Variants in GNAL observed in about 807,000 individuals in gnomAD.
GNAL encodes the protein G protein subunit alpha L.
GNAL carries 18 observed loss-of-function variants against 55.1 expected under a neutral mutation model. The ratio of observed to expected loss-of-function variants is 0.33; its 90% CI spans 0.23 to 0.48. The LOEUF (loss-of-function observed/expected upper bound fraction) is 0.48, where lower values mean the gene tolerates loss of function less well. GNAL is among the 20% of genes least tolerant of loss of function. GNAL has a pLI of 0.99. For synonymous variants in GNAL, 253 were observed against 237.0 expected, an observed-to-expected ratio of 1.07 and a Z score of -0.62; for missense variants, 412 against 614.1, an observed-to-expected ratio of 0.67 and a Z score of 3.48.
At chr18:11,738,593 G>A (rs1244807127) in intron 1 of GNAL, among the ~76,000 whole-genome samples, 5 of 151,950 alleles carry the variant, frequency 3.3e-5, no homozygotes, top group African/African-American at 7.3e-5. Flanking sequence ...GATTACAGGC[G>A]CCCACCACCA....
intron 4 of GNAL, among the ~76,000 whole-genome samples, chr18:11,757,385 A>G (rs2033093138): frequency 6.6e-6 from 1 of 152,154 alleles, no homozygotes; most frequent in South Asian, 2.1e-4. Context: ...TTTCATCAAG[A>G]TCACTCTGGC....
chr18:11,729,347 A>G (rs1161806005), intron 1 of GNAL, among the ~76,000 whole-genome samples: 1 of 152,130 alleles, frequency 6.6e-6, no homozygotes, highest in East Asian at 1.9e-4. Context: ...CCCTAAGCAC[A>G]GTGAACCAGC....
chr18:11,841,510 G>T (rs1174519263), intron 5 of GNAL, among the ~76,000 whole-genome samples: 6 of 151,902 alleles, frequency 3.9e-5, no homozygotes, highest in African/African-American at 1.5e-4. Flanking sequence ...GTCGGGCATG[G>T]TGACGCATGC....
At chr18:11,844,492 A>G (rs1038965629) in intron 5 of GNAL, among the ~76,000 whole-genome samples, 1 of 152,192 alleles carries the variant, frequency 6.6e-6, no homozygotes, top group African/African-American at 2.4e-5. Context: ...AGTGCTCTCC[A>G]TTCTGTGGCC....
intron 1 of GNAL, among the ~76,000 whole-genome samples, chr18:11,700,809 T>G (rs1351609861): frequency 2.0e-5 from 3 of 152,218 alleles, no homozygotes; most frequent in Non-Finnish European, 4.4e-5. Flanking sequence ...GAAAAGTGAA[T>G]TTTCTTTCTG....
At chr18:11,771,257 T>A (rs1337449011) in intron 4 of GNAL, among the ~76,000 whole-genome samples, 8 of 151,940 alleles carry the variant, frequency 5.3e-5, no homozygotes, top group Non-Finnish European at 8.8e-5. Context: ...TCATTAGTGT[T>A]TCTTATTTCT....
intron 4 of GNAL, among the ~76,000 whole-genome samples, chr18:11,790,244 G>A (rs181158216): frequency 2.1e-4 from 32 of 152,174 alleles, no homozygotes; most frequent in African/African-American, 7.5e-4. Flanking sequence ...CCTGCCCCTG[G>A]GGTCTCTGCA....
chr18:11,717,482 A>G (rs2032000361), intron 1 of GNAL, among the ~76,000 whole-genome samples: 3 of 152,250 alleles, frequency 2.0e-5, no homozygotes, highest in South Asian at 2.1e-4. Flanking sequence ...CCATAAAGAC[A>G]TATGCACACG....
rs548869626 is a variant in GNAL at position 11,865,903 on chromosome 18, C to T, written c.852-1265C>T. Among the ~76,000 whole-genome samples the T allele has an allele frequency of 7.4e-5, 11 of 149,162 alleles. 1 individual carries two copies. Among genetic ancestry groups the T allele is most frequent in the African/African-American group, 2.6e-4 (10 of 38,760 alleles). ...CCAGTCACCCTCAGCATGTCTGACT[C>T]GACTCTAAGGGACCTCAAGGGTGAG... On this transcript the variant is annotated intron_variant, in intron 7 of 11. Coordinates refer to ENST00000334049, the MANE Select transcript of GNAL (RefSeq NM_182978.4).
At chr18:11,857,792 A>C in intron 5 of GNAL, 6 of 952,088 alleles carry the variant, frequency 6.3e-6, no homozygotes, top group Non-Finnish European at 6.3e-6. Flanking sequence ...CCACGTGAGT[A>C]ATGTTTTTCT....
chr18:11,883,480 G>T lies in GNAL; in HGVS notation c.*2345G>T, dbSNP rs150061443. On this transcript the variant is annotated 3_prime_UTR_variant, in exon 12 of 12. Coordinates refer to ENST00000334049, the MANE Select transcript of GNAL (RefSeq NM_182978.4). ...AAACAAAAAGAATAACTTTTATCTG[G>T]CTTACAATTATTAAAGCATTTATTT... The T allele has an allele frequency of 4.0e-4, 62 of 153,582 alleles. No homozygotes were observed. The highest frequency in any genetic ancestry group is 6.3e-4 in the Non-Finnish European group (43 of 68,020). The allele number at this position is 153,582 out of a possible 1,614,324, so 9.5% of individuals were successfully genotyped here. A position where few individuals can be genotyped will look rare whatever the true frequency, so the allele number is the denominator to read the frequency against.
At chr18:11,846,392 C>T (rs1409110894) in intron 5 of GNAL, among the ~76,000 whole-genome samples, 1 of 146,630 alleles carries the variant, frequency 6.8e-6, no homozygotes, top group African/African-American at 2.5e-5. Flanking sequence ...ATTTTTAAAT[C>T]GACATCATTT....
chr18:11,787,811 T>C (rs1029866840), intron 4 of GNAL, among the ~76,000 whole-genome samples: 1 of 151,496 alleles, frequency 6.6e-6, no homozygotes, highest in Non-Finnish European at 1.5e-5. Context: ...GAGGTGGAGC[T>C]TGCAGTGAGC....
At chr18:11,772,494 A>G (rs150708941) in intron 4 of GNAL, among the ~76,000 whole-genome samples, 6 of 152,200 alleles carry the variant, frequency 3.9e-5, no homozygotes, top group East Asian at 1.9e-4. Flanking sequence ...TGATGTCTCC[A>G]TTGTGTTTTG....
At chr18:11,796,528 C>A (rs1423016614) in intron 4 of GNAL, among the ~76,000 whole-genome samples, 1 of 141,940 alleles carries the variant, frequency 7.0e-6, no homozygotes, top group Non-Finnish European at 1.5e-5. Context: ...GAGCCAAGAT[C>A]GAGCCACTGC....
At position 11,881,370 on chromosome 18, in the gene GNAL, G is replaced by A. The variant is rs10164232; in HGVS notation, c.*235G>A. The A allele has an allele frequency of 0.027, 11,854 of 444,068 alleles. 201 individuals are homozygous for A. Among genetic ancestry groups the A allele is most frequent in the Non-Finnish European group, 0.034 (8,396 of 243,438 alleles). 27.5% of individuals were successfully genotyped at this position (444,068 alleles called of 1,614,324 possible). On this transcript the variant is annotated 3_prime_UTR_variant, in exon 12 of 12. Coordinates refer to ENST00000334049, the MANE Select transcript of GNAL (RefSeq NM_182978.4). This position sits in a 1 kb window ranked among gnomAD's most constrained non-coding sequence, Gnocchi z 4.8. Reference sequence around the variant, plus strand: ...CCCCAAACCACCGACTCTCATTGCCGACACTGCAGCAGAATCTCTCCGGGT... The same window carrying A: ...CCCCAAACCACCGACTCTCATTGCCAACACTGCAGCAGAATCTCTCCGGGT...
chr18:11,704,584 T>C (rs1166024084), intron 1 of GNAL, among the ~76,000 whole-genome samples: 1 of 152,148 alleles, frequency 6.6e-6, no homozygotes, highest in African/African-American at 2.4e-5. Flanking sequence ...ACTTCTGGGC[T>C]CCCTCCCCAG....
intron 1 of GNAL, among the ~76,000 whole-genome samples, chr18:11,706,393 G>T (rs2031712901): frequency 6.6e-6 from 1 of 152,164 alleles, no homozygotes; most frequent in Admixed American, 6.5e-5. Context: ...CCTTCAGTGA[G>T]TCCGGATCTC....
chr18:11,859,749 CTTTT>C (rs560753290), intron 5 of GNAL, among the ~76,000 whole-genome samples: 1 of 144,954 alleles, frequency 6.9e-6, no homozygotes, highest in African/African-American at 2.5e-5. Flanking sequence ...AGTTGACATT[CTTTT>C]TTTTTTTTTT....
Sources: gnomAD v4.1 joint callset for allele counts (sites outside exome capture counted in the v4.1 genomes callset) on GRCh38, gnomAD v4.1.1 for gene constraint, Gnocchi (gnomAD v3.1) non-coding constraint, MANE v1.5 for transcripts, NCBI Gene and HGNC (gene_info 2026-07-23, HGNC 2026-07-21) for gene names.